Variants in KIAA1549 observed in about 807,000 individuals in gnomAD.
KIAA1549 encodes KIAA1549, also known as UPF0606 protein KIAA1549.
A neutral mutation model predicts 156.4 loss-of-function variants in KIAA1549; 70 were observed. That is an observed-to-expected ratio of 0.45 (90% CI 0.37 to 0.55). KIAA1549 has a LOEUF of 0.55. Among genes scored for constraint, KIAA1549 ranks in the 20% least tolerant of loss-of-function variants. KIAA1549 has a pLI of 0.00. For missense variants in KIAA1549, 2,428 were observed against 2,540.9 expected (o/e 0.96, Z 0.96); for synonymous variants, 1,103 against 1,066.4 (o/e 1.03, Z -0.67).
At position 138,911,146 on chromosome 7, in the gene KIAA1549, C is replaced by A. The variant is rs767652062; in HGVS notation, c.3145G>T (p.Val1049Leu). 2 of 1,575,950 alleles carry A rather than the reference C, an allele frequency of 1.3e-6. No homozygotes were observed. Among genetic ancestry groups the A allele is most frequent in the South Asian group, 1.2e-5 (1 of 83,062 alleles). The stretch of plus-strand genomic sequence containing the variant: ...AAACAACTATGCTGAGCTGTCTCAC[C>A]TGTTTGAACTTGGAACCTGGACTCT... The part of the protein sequence containing the change: ...VPESRFQVQT[V>L]LQFVPPSVDT... The change falls in exon 4 of 20, where the codon GTA becomes TTA. Residue 1049 changes from valine to leucine, a missense_variant and splice_region_variant. This residue lies in a region of KIAA1549 where 762 missense variants were observed against 901.6 expected (regional missense o/e 0.85). Coordinates refer to ENST00000422774, the MANE Select transcript of KIAA1549 (RefSeq NM_001164665.2).
At chr7:138,893,007 C>CA (rs1811584604) in intron 10 of KIAA1549, among the ~76,000 whole-genome samples, 1 of 152,192 alleles carries the variant, frequency 6.6e-6, no homozygotes, top group African/African-American at 2.4e-5. Flanking sequence ...CCTTGGTAAA[C>CA]ACGCTGACTG....
chr7:138,835,980 A>G lies in KIAA1549; in HGVS notation c.*1926T>C, dbSNP rs893255328. On this transcript the variant is annotated 3_prime_UTR_variant, in exon 20 of 20. Coordinates refer to ENST00000422774, the MANE Select transcript of KIAA1549 (RefSeq NM_001164665.2). ...CAGAACCAACTTCCCTCATATTGTAAGACTCTAAATCTGTACAACAGGCTT... is the reference window on the plus strand; with the variant it reads ...CAGAACCAACTTCCCTCATATTGTAGGACTCTAAATCTGTACAACAGGCTT... The G allele has an allele frequency of 4.7e-6, 1 of 211,572 alleles. No individual in the cohort carries two copies. Among genetic ancestry groups the G allele is most frequent in the Non-Finnish European group, 9.6e-6 (1 of 104,454 alleles). 13.1% of individuals were successfully genotyped at this position (211,572 alleles called of 1,614,324 possible). A position where few individuals can be genotyped will look rare whatever the true frequency, so the allele number is the denominator to read the frequency against.
In KIAA1549 at chr7:138,832,996, A is replaced by C. The variant is rs1214799097; in HGVS notation, c.*4910T>G. On this transcript the variant is annotated 3_prime_UTR_variant, in exon 20 of 20. Coordinates refer to ENST00000422774, the MANE Select transcript of KIAA1549 (RefSeq NM_001164665.2). ...TTAACATGTTAGATTAAATGTAAAA[A>C]TGAAGTTCAGTTGACTATGCCATAG... 1 of 231,802 alleles carries C rather than the reference A, an allele frequency of 4.3e-6. No homozygotes were observed. The highest frequency in any genetic ancestry group is 8.5e-6 in the Non-Finnish European group (1 of 117,258). The allele number at this position is 231,802 out of a possible 1,614,324, so 14.4% of individuals were successfully genotyped here.
At chr7:138,852,306 C>T in intron 16 of KIAA1549, 37 bp from the exon 17 acceptor site, 1 of 1,392,750 alleles carries the variant, frequency 7.2e-7, no homozygotes, top group Non-Finnish European at 1.0e-6. Context: ...GATTAATATT[C>T]AATACTTATT....
intron 16 of KIAA1549, among the ~76,000 whole-genome samples, chr7:138,857,674 C>T (rs1231379707): frequency 6.6e-6 from 1 of 152,204 alleles, no homozygotes; most frequent in Non-Finnish European, 1.5e-5. Context: ...TAATACTATG[C>T]ACATAAACAC....
intron 1 of KIAA1549, among the ~76,000 whole-genome samples, chr7:138,942,269 G>T (rs1169607148): frequency 6.6e-6 from 1 of 152,116 alleles, no homozygotes; most frequent in African/African-American, 2.4e-5. Context: ...TTTCATAATT[G>T]AAGGCAAACG....
At chr7:138,940,148 A>T (rs6962941) in intron 1 of KIAA1549, among the ~76,000 whole-genome samples, 41,419 of 151,730 alleles carry the variant, frequency 0.27, 7,210 homozygotes, top group African/African-American at 0.5. Context: ...ATATCTCCCA[A>T]TGCTATCCCT....
chr7:138,851,283 A>T (rs187908012), intron 17 of KIAA1549, among the ~76,000 whole-genome samples: 1 of 151,970 alleles, frequency 6.6e-6, no homozygotes, highest in African/African-American at 2.4e-5. Context: ...CTTTTGGATT[A>T]TCTTTAAGTT....
At chr7:138,936,974 A>G (rs531403029) in intron 1 of KIAA1549, among the ~76,000 whole-genome samples, 135 of 152,206 alleles carry the variant, frequency 8.9e-4, no homozygotes, top group Non-Finnish European at 1.6e-3. Flanking sequence ...TTCTGTATAT[A>G]TGAAGTTCAT....
At position 138,917,536 on chromosome 7, in the gene KIAA1549, T is replaced by C. The variant is rs1207692305; in HGVS notation, c.2090A>G (p.Gln697Arg). ...SSTNLEFSQL[Q>R]PSSELPLNTI... The stretch of plus-strand genomic sequence containing the variant: ...GTTTAAAGGCAGCTCGGAACTTGGC[T>C]GGAGCTGCGAAAACTCAAGATTTGT... The change falls in exon 2 of 20, where the codon CAG (glutamine) becomes CGG (arginine). Residue 697 changes from glutamine (Q) to arginine (R), a missense_variant. Around this residue, in one of 5 missense-constraint regions of KIAA1549, gnomAD observed 762 missense variants for 901.6 expected, o/e 0.85. Transcript: ENST00000422774. 6 of 1,613,700 alleles carry C rather than the reference T, an allele frequency of 3.7e-6. No individual in the cohort carries two copies. The African/African-American group carries it at 8.0e-5, about 22-fold the overall frequency.
chr7:138,980,453 T>G (rs757562071), intron 1 of KIAA1549, among the ~76,000 whole-genome samples: 6 of 152,224 alleles, frequency 3.9e-5, no homozygotes, highest in African/African-American at 7.2e-5. Flanking sequence ...GCCCAGACAC[T>G]TAAGAATCAA....
At chr7:138,860,223 T>C (rs1810532663) in intron 16 of KIAA1549, among the ~76,000 whole-genome samples, 1 of 152,352 alleles carries the variant, frequency 6.6e-6, no homozygotes, top group Non-Finnish European at 1.5e-5. Flanking sequence ...AATGATTAGA[T>C]TGAATGGTAC....
In KIAA1549 at chr7:138,919,285, G is replaced by T. The variant is rs1385978721; in HGVS notation, c.341C>A (p.Ser114Tyr). 1.2e-6 allele frequency: 2 copies of T among 1,613,932 alleles called. No homozygotes were observed. Among genetic ancestry groups the T allele is most frequent in the Non-Finnish European group, 1.7e-6 (2 of 1,179,916 alleles). The change falls in exon 2 of 20, where the codon TCT becomes TAT. Residue 114 changes from serine (S) to tyrosine (Y), a missense_variant. This residue lies in a region of KIAA1549 where 893 missense variants were observed against 847.9 expected (regional missense o/e 1.05). Coordinates refer to ENST00000422774, the MANE Select transcript of KIAA1549 (RefSeq NM_001164665.2). ...AAAGGCTGTATCAAAAGTAGTGGCA[G>T]ACGGCGGGGCTGTGACATGGAGAGG... ...SSPLHVTAPP[S>Y]ATTFDTAFFN...
chr7:138,975,496 G>C (rs961855548), intron 1 of KIAA1549, among the ~76,000 whole-genome samples: 1 of 152,100 alleles, frequency 6.6e-6, no homozygotes, highest in African/African-American at 2.4e-5. Flanking sequence ...GGAGCTACAG[G>C]GAGAAATGAG....
intron 5 of KIAA1549, among the ~76,000 whole-genome samples, chr7:138,908,555 T>C (rs1812073686): frequency 6.6e-6 from 1 of 152,130 alleles, no homozygotes. Context: ...ACATCCATTT[T>C]GGAAAGAGAG....
At chr7:138,979,047 G>A (rs956867668) in intron 1 of KIAA1549, among the ~76,000 whole-genome samples, 1 of 152,218 alleles carries the variant, frequency 6.6e-6, no homozygotes, top group Non-Finnish European at 1.5e-5. Flanking sequence ...TTCCTTCACT[G>A]CTCTGTGTTT....
chr7:138,836,003 C>A lies in KIAA1549; in HGVS notation c.*1903G>T. 4.7e-6 allele frequency: 1 copy of A among 211,992 alleles called. No homozygotes were observed. The highest frequency in any genetic ancestry group is 9.6e-6 in the Non-Finnish European group (1 of 104,648). 13.1% of individuals were successfully genotyped at this position (211,992 alleles called of 1,614,324 possible). ...TAAGACTCTAAATCTGTACAACAGG[C>A]TTCATTAATGAAGGGCTAAAACATG... On this transcript the variant is annotated 3_prime_UTR_variant, in exon 20 of 20. Transcript: ENST00000422774.
At chr7:138,847,709 G>A (rs750704370) in intron 17 of KIAA1549, among the ~76,000 whole-genome samples, 2 of 152,262 alleles carry the variant, frequency 1.3e-5, no homozygotes, top group African/African-American at 4.8e-5. Flanking sequence ...CAAAGTGTCT[G>A]GGCTATTCTT....
intron 1 of KIAA1549, among the ~76,000 whole-genome samples, chr7:138,968,349 A>T (rs768533089): frequency 3.3e-5 from 5 of 152,212 alleles, no homozygotes; most frequent in Non-Finnish European, 7.3e-5. Flanking sequence ...AACTAAAAAT[A>T]AAAATTAAAA....
Sources: allele counts gnomAD v4.1 joint callset (sites outside exome capture counted in the v4.1 genomes callset), GRCh38; gene constraint gnomAD v4.1.1; regional missense constraint gnomAD v4.1.1; transcripts MANE v1.5; gene names NCBI Gene and HGNC (gene_info 2026-07-23, HGNC 2026-07-21).